PCDH7: variants seen among roughly 807,000 people sequenced by gnomAD.
The protein encoded by PCDH7 is protocadherin-7.
A neutral mutation model predicts 58.9 loss-of-function variants in PCDH7; 17 were observed. The ratio of observed to expected loss-of-function variants is 0.29; its 90% CI spans 0.20 to 0.43. The LOEUF is 0.43. Ranked by LOEUF, PCDH7 falls within the 20% of genes least tolerant of loss-of-function variation. The probability of loss-of-function intolerance (pLI) is 1.00; values close to 1 mark genes in which losing one functional copy is unlikely to be tolerated. For missense variants in PCDH7, 1,274 were observed against 1,441.0 expected (o/e 0.88, Z 1.88); for synonymous variants, 664 against 616.4 (o/e 1.08, Z -1.14).
chr4:31,038,283 T>C (rs765943633), intron 3 of PCDH7, among the ~76,000 whole-genome samples: 1 of 152,222 alleles, frequency 6.6e-6, no homozygotes, highest in African/African-American at 2.4e-5. Flanking sequence ...TCTTAAATAT[T>C]GTTCTGTATG....
At chr4:30,835,487 C>A (rs923585527) in intron 1 of PCDH7, among the ~76,000 whole-genome samples, 1 of 152,098 alleles carries the variant, frequency 6.6e-6, no homozygotes, top group African/African-American at 2.4e-5. Flanking sequence ...CACCCACCAG[C>A]CTTCGTTCGA....
chr4:30,949,743 T>C (rs1747143307), intron 2 of PCDH7, among the ~76,000 whole-genome samples: 1 of 152,090 alleles, frequency 6.6e-6, no homozygotes, highest in African/African-American at 2.4e-5. Flanking sequence ...AATCCTACTG[T>C]ATGTTAGAAA....
In PCDH7 at chr4:31,072,684, A is replaced by G. The variant is rs756091909; in HGVS notation, c.*8-69789A>G. 3.9e-4 allele frequency among the ~76,000 whole-genome samples: 60 copies of G among 152,244 alleles called. 1 individual carries two copies. The highest frequency in any genetic ancestry group is 1.9e-4 in the Non-Finnish European group (13 of 68,000). On this transcript the variant is annotated intron_variant, in intron 3 of 3. Coordinates refer to the PCDH7 transcript ENST00000509759. ...CGTTTCACAGAGTTGTGTTATCTCA[A>G]TCACATTACTCACATCACATTATTG...
chr4:30,997,306 G>T (rs1033414039), intron 3 of PCDH7, among the ~76,000 whole-genome samples: 1 of 152,084 alleles, frequency 6.6e-6, no homozygotes, highest in Non-Finnish European at 1.5e-5. Context: ...CATGTGATAT[G>T]GCAGGAAAGG....
At chr4:31,051,970 G>A (rs1010736411) in intron 3 of PCDH7, among the ~76,000 whole-genome samples, 2 of 151,882 alleles carry the variant, frequency 1.3e-5, no homozygotes, top group African/African-American at 2.4e-5. Context: ...GTATTCTGAC[G>A]GACTATTTTT....
At chr4:31,028,657 CAAAA>C (rs5857218) in intron 3 of PCDH7, among the ~76,000 whole-genome samples, 7 of 134,900 alleles carry the variant, frequency 5.2e-5, no homozygotes, top group African/African-American at 7.7e-5. Flanking sequence ...GACCCTGCTT[CAAAA>C]AAAAAAAAAA....
intron 1 of PCDH7, among the ~76,000 whole-genome samples, chr4:30,903,205 TAA>T (rs760621640): frequency 6.6e-6 from 1 of 152,112 alleles, no homozygotes; most frequent in Non-Finnish European, 1.5e-5. Flanking sequence ...CTGAAAAGCT[TAA>T]GTTTTTATAT....
chr4:30,801,491 A>G (rs1725514761), intron 1 of PCDH7, among the ~76,000 whole-genome samples: 2 of 152,176 alleles, frequency 1.3e-5, no homozygotes, highest in Non-Finnish European at 2.9e-5. Context: ...GTGTTTCAGT[A>G]TACATGGAGT....
chr4:30,964,352 C>T (rs1748792101), intron 3 of PCDH7, among the ~76,000 whole-genome samples: 1 of 151,750 alleles, frequency 6.6e-6, no homozygotes, highest in Non-Finnish European at 1.5e-5. Context: ...CGACATTATC[C>T]TGCCTCAGCC....
intron 3 of PCDH7, among the ~76,000 whole-genome samples, chr4:30,970,964 G>A (rs138118980): frequency 1.2e-4 from 19 of 152,228 alleles, no homozygotes; most frequent in African/African-American, 4.3e-4. Flanking sequence ...CAATGATTTT[G>A]CAGTTTAGCA....
chr4:31,066,272 A>C (rs79515380), intron 3 of PCDH7, among the ~76,000 whole-genome samples: 1 of 151,936 alleles, frequency 6.6e-6, no homozygotes, highest in Non-Finnish European at 1.5e-5. Flanking sequence ...CTTTCATGTT[A>C]AATGAAGAAC....
chr4:31,000,948 C>T (rs962689999), intron 3 of PCDH7, among the ~76,000 whole-genome samples: 4 of 152,042 alleles, frequency 2.6e-5, no homozygotes, highest in African/African-American at 7.2e-5. Context: ...CCAATACACC[C>T]TGTTATATAG....
intron 1 of PCDH7, among the ~76,000 whole-genome samples, chr4:30,887,376 C>G (rs1737963782): frequency 1.3e-5 from 2 of 152,072 alleles, no homozygotes; most frequent in African/African-American, 4.8e-5. Context: ...CTGTATTATA[C>G]TGCTTAGTTT....
At chr4:30,935,141 T>C (rs1745187385) in intron 2 of PCDH7, among the ~76,000 whole-genome samples, 1 of 152,096 alleles carries the variant, frequency 6.6e-6, no homozygotes, top group South Asian at 2.1e-4. Flanking sequence ...TTAGTATATT[T>C]AGTTATTTAT....
At chr4:30,768,935 A>G (rs983834745) in intron 1 of PCDH7, among the ~76,000 whole-genome samples, 4 of 152,218 alleles carry the variant, frequency 2.6e-5, no homozygotes, top group African/African-American at 9.6e-5. Flanking sequence ...TGATACTTTC[A>G]GGTGGCTTTA....
intron 1 of PCDH7, among the ~76,000 whole-genome samples, chr4:30,821,392 A>T (rs1348450688): frequency 6.6e-6 from 1 of 152,228 alleles, no homozygotes; most frequent in African/African-American, 2.4e-5. Context: ...ATCCCCATTT[A>T]GATGTGGGAG....
At chr4:31,128,544 A>G (rs1403011219) in intron 3 of PCDH7, among the ~76,000 whole-genome samples, 1 of 152,178 alleles carries the variant, frequency 6.6e-6, no homozygotes, top group African/African-American at 2.4e-5. Flanking sequence ...AATAAATATT[A>G]TCTCCCAAGT....
intron 1 of PCDH7, among the ~76,000 whole-genome samples, chr4:30,792,788 GT>G (rs1017266245): frequency 6.6e-6 from 1 of 152,034 alleles, no homozygotes; most frequent in Non-Finnish European, 1.5e-5. Context: ...GTCAGCATGA[GT>G]TTTTTCTCCC....
chr4:30,751,097 A>G (rs1288267857), intron 1 of PCDH7, among the ~76,000 whole-genome samples: 2 of 152,186 alleles, frequency 1.3e-5, no homozygotes, highest in South Asian at 4.1e-4. Context: ...AAGATATTGA[A>G]ACTGTTACCT....
Sources: gnomAD v4.1 joint callset for allele counts (sites outside exome capture counted in the v4.1 genomes callset) on GRCh38, gnomAD v4.1.1 for gene constraint, MANE v1.5 for transcripts, NCBI Gene and HGNC (gene_info 2026-07-23, HGNC 2026-07-21) for gene names.